NDUFAF2: variants seen among roughly 807,000 people sequenced by gnomAD.
The protein encoded by NDUFAF2 is NADH:ubiquinone oxidoreductase complex assembly factor 2.
In NDUFAF2, 13 loss-of-function variants were observed where a neutral mutation model predicts 22.8. The ratio of observed to expected loss-of-function variants is 0.57; its 90% confidence interval spans 0.37 to 0.91. The LOEUF (loss-of-function observed/expected upper bound fraction) is 0.91. Among genes scored for constraint, NDUFAF2 ranks in the 40% least tolerant of loss-of-function variants. The pLI, the probability that NDUFAF2 is intolerant of heterozygous loss-of-function variation, is 0.01. For missense variants in NDUFAF2, 162 were observed against 195.2 expected (o/e 0.83, Z 1.01); for synonymous variants, 53 against 64.2 (o/e 0.83, Z 0.84).
intron 3 of NDUFAF2, among the ~76,000 whole-genome samples, chr5:61,125,152 ACT>A (rs1488015017): frequency 6.6e-6 from 1 of 151,994 alleles, no homozygotes; most frequent in Non-Finnish European, 1.5e-5. Flanking sequence ...AGTGCCACAC[ACT>A]GTGTCACATT....
intron 1 of NDUFAF2, among the ~76,000 whole-genome samples, chr5:61,013,514 C>CT (rs1468257016): frequency 1.3e-5 from 2 of 151,734 alleles, no homozygotes; most frequent in Non-Finnish European, 2.9e-5. Context: ...ACTAGTTATT[C>CT]TTTTTTATTG....
chr5:61,095,842 T>G (rs1396444633), intron 2 of NDUFAF2, among the ~76,000 whole-genome samples: 2 of 152,138 alleles, frequency 1.3e-5, no homozygotes, highest in Non-Finnish European at 2.9e-5. Flanking sequence ...TGTGCTGTCT[T>G]GCTTTTCTTC....
intron 1 of NDUFAF2, among the ~76,000 whole-genome samples, chr5:60,970,445 C>G (rs1419562160): frequency 6.6e-6 from 1 of 152,012 alleles, no homozygotes; most frequent in Non-Finnish European, 1.5e-5. Context: ...ACATCTTTCA[C>G]TTTTTTGGTT....
chr5:61,010,934 G>C (rs1021499113), intron 1 of NDUFAF2, among the ~76,000 whole-genome samples: 2 of 151,996 alleles, frequency 1.3e-5, no homozygotes, highest in African/African-American at 2.4e-5. Context: ...TGAATGTGCT[G>C]GCTGGCCTTT....
At chr5:61,101,573 C>G (rs1007778043) in intron 3 of NDUFAF2, among the ~76,000 whole-genome samples, 1 of 152,064 alleles carries the variant, frequency 6.6e-6, no homozygotes, top group Admixed American at 6.6e-5. Context: ...GTTCCTCTGT[C>G]CACTGTTTTC....
intron 3 of NDUFAF2, among the ~76,000 whole-genome samples, chr5:61,131,288 T>G (rs990657546): frequency 1.3e-5 from 2 of 151,752 alleles, no homozygotes; most frequent in East Asian, 1.9e-4. Flanking sequence ...CTCAAACTCC[T>G]AGGCTCAAGC....
chr5:60,977,026 A>T (rs1750910886), intron 1 of NDUFAF2, among the ~76,000 whole-genome samples: 1 of 152,198 alleles, frequency 6.6e-6, no homozygotes, highest in African/African-American at 2.4e-5. Flanking sequence ...TGCCATTTTC[A>T]CAAATTACTT....
At chr5:61,040,370 G>C (rs1287538822) in intron 1 of NDUFAF2, among the ~76,000 whole-genome samples, 1 of 151,484 alleles carries the variant, frequency 6.6e-6, no homozygotes, top group African/African-American at 2.4e-5. Context: ...ACTAGAAAAG[G>C]CAAAGAAAGA....
At chr5:61,074,635 C>T (rs1752343910) in intron 2 of NDUFAF2, among the ~76,000 whole-genome samples, 1 of 151,854 alleles carries the variant, frequency 6.6e-6, no homozygotes, top group Admixed American at 6.6e-5. Flanking sequence ...TGGCACAGGC[C>T]TGTAATCCCA....
chr5:60,983,655 G>A (rs1278991730), intron 1 of NDUFAF2, among the ~76,000 whole-genome samples: 1 of 150,968 alleles, frequency 6.6e-6, no homozygotes, highest in African/African-American at 2.4e-5. Flanking sequence ...TATTAAATAG[G>A]GAATCCTTTC....
intron 3 of NDUFAF2, among the ~76,000 whole-genome samples, chr5:61,152,096 A>G (rs1741249650): frequency 6.6e-6 from 1 of 152,188 alleles, no homozygotes; most frequent in African/African-American, 2.4e-5. Flanking sequence ...CTGTTTGCAC[A>G]GATTTGAGAA....
Position 61,152,890 on chromosome 5 carries a change from A to T in NDUFAF2, c.445A>T (p.Ser149Cys), listed in dbSNP as rs1257232668. The change falls in exon 4 of 4, where the codon AGC becomes TGC. Residue 149 changes from serine (S) to cysteine (C), a missense_variant. Ser to Cys is a moderately radical substitution (Grantham distance 112). Around this residue, in one of 2 missense-constraint regions of NDUFAF2, gnomAD observed 68 missense variants for 110.0 expected, o/e 0.62. Transcript: ENST00000296597. ...GGAAGAACCCTCAGTGGCTCCCAGC[A>T]GCACTGGTAAAACCTTTCAGCCAGG... ...GKEEPSVAPS[S>C]TGKTFQPGSW... The T allele has an allele frequency of 1.2e-6, 2 of 1,613,032 alleles. No homozygotes were observed. Among genetic ancestry groups the T allele is most frequent in the Non-Finnish European group, 1.7e-6 (2 of 1,179,346 alleles).
intron 2 of NDUFAF2, among the ~76,000 whole-genome samples, chr5:61,078,544 C>T (rs1752397804): frequency 6.6e-6 from 1 of 152,022 alleles, no homozygotes; most frequent in African/African-American, 2.4e-5. Context: ...AGTTCTAGAC[C>T]AGCCTGTACA....
chr5:61,137,570 C>T (rs975363867), intron 3 of NDUFAF2, among the ~76,000 whole-genome samples: 1 of 152,096 alleles, frequency 6.6e-6, no homozygotes, highest in African/African-American at 2.4e-5. Context: ...ATTTAGCTAG[C>T]CATGTGAAGA....
chr5:60,975,632 C>G (rs377196928), intron 1 of NDUFAF2, among the ~76,000 whole-genome samples: 1 of 152,138 alleles, frequency 6.6e-6, no homozygotes, highest in East Asian at 1.9e-4. Context: ...ACACAGAACA[C>G]TGGTGTCTTC....
In NDUFAF2 at chr5:61,063,226, T is replaced by C. The variant is rs184597284; in HGVS notation, c.128-9899T>C. On this transcript the variant is annotated intron_variant, in intron 1 of 3. Coordinates refer to ENST00000296597, the MANE Select transcript of NDUFAF2 (RefSeq NM_174889.5). Reference sequence around the variant, plus strand: ...CTAAAAGTCAAAACCAGGTTGGGCATGGTGGCTCATGCCTGTAATCTCAGT... The same window carrying C: ...CTAAAAGTCAAAACCAGGTTGGGCACGGTGGCTCATGCCTGTAATCTCAGT... Among the ~76,000 whole-genome samples, 169 of 152,166 alleles carry C rather than the reference T, an allele frequency of 1.1e-3. 1 individual carries two copies. Among genetic ancestry groups the C allele is most frequent in the African/African-American group, 3.9e-3 (161 of 41,536 alleles).
At chr5:61,072,478 C>G (rs1316975217) in intron 1 of NDUFAF2, among the ~76,000 whole-genome samples, 1 of 152,140 alleles carries the variant, frequency 6.6e-6, no homozygotes, top group African/African-American at 2.4e-5. Flanking sequence ...ACATGTAAGT[C>G]AGAAGAAGTT....
Position 61,152,909 on chromosome 5 carries a change from AGCC to A in NDUFAF2, c.465_467del (p.Pro156del), listed in dbSNP as rs1231742714. The A allele has an allele frequency of 1.2e-6, 2 of 1,613,616 alleles. No individual in the cohort carries two copies. Among genetic ancestry groups the A allele is most frequent in the Non-Finnish European group, 1.7e-6 (2 of 1,179,786 alleles). On this transcript the variant is annotated inframe_deletion, in exon 4 of 4. Transcript: ENST00000296597. ...CCCAGCAGCACTGGTAAAACCTTTC[AGCC>A]AGGATCCTGGATGCCACGAGATGGC... is the stretch of plus-strand genomic sequence containing the variant.
At chr5:60,950,788 C>T (rs1750534583) in intron 1 of NDUFAF2, among the ~76,000 whole-genome samples, 1 of 152,012 alleles carries the variant, frequency 6.6e-6, no homozygotes, top group African/African-American at 2.4e-5. Flanking sequence ...TCCTGCTCCC[C>T]CAATGCAGTT....
Sources: gnomAD v4.1 joint callset for allele counts (sites outside exome capture counted in the v4.1 genomes callset) on GRCh38, gnomAD v4.1.1 for gene constraint, gnomAD v4.1.1 regional missense constraint, MANE v1.5 for transcripts, NCBI Gene and HGNC (gene_info 2026-07-23, HGNC 2026-07-21) for gene names.